Variants in ATG7 observed in about 807,000 individuals in gnomAD.
ATG7 encodes autophagy related 7.
In ATG7, 70 loss-of-function variants were observed where a neutral mutation model predicts 82.4. The ratio of observed to expected loss-of-function variants is 0.85; its 90% CI spans 0.70 to 1.04. ATG7 has a LOEUF of 1.04. Among genes scored for constraint, ATG7 ranks in the 50% least tolerant of loss-of-function variants. The pLI is 0.00. For missense variants in ATG7, 792 were observed against 864.3 expected (o/e 0.92, Z 1.05); for synonymous variants, 287 against 313.0 (o/e 0.92, Z 0.88).
intron 9 of ATG7, among the ~76,000 whole-genome samples, chr3:11,328,408 A>G (rs1179470788): frequency 6.6e-6 from 1 of 152,256 alleles, no homozygotes; most frequent in African/African-American, 2.4e-5. Flanking sequence ...GAAATCTCAA[A>G]TAAAAATATT....
chr3:11,396,782 CA>C (rs776333119), intron 19 of ATG7, among the ~76,000 whole-genome samples: 46 of 94,238 alleles, frequency 4.9e-4, no homozygotes, highest in Non-Finnish European at 6.7e-4. Context: ...ACTCTGTCTC[CA>C]AAAAAAAAAA....
At chr3:11,494,831 T>G (rs1355522039) in intron 20 of ATG7, among the ~76,000 whole-genome samples, 1 of 152,058 alleles carries the variant, frequency 6.6e-6, no homozygotes, top group Non-Finnish European at 1.5e-5. Context: ...CCCAGCACTT[T>G]GAGAGGCCAA....
chr3:11,523,272 G>A (rs188319047), intron 20 of ATG7, among the ~76,000 whole-genome samples: 7 of 152,330 alleles, frequency 4.6e-5, no homozygotes, highest in African/African-American at 1.2e-4. Context: ...GGGAGTGCAG[G>A]GGAGGGGAAA....
At chr3:11,298,154 AAC>A (rs1946243507) in intron 3 of ATG7, among the ~76,000 whole-genome samples, 1 of 152,030 alleles carries the variant, frequency 6.6e-6, no homozygotes, top group Non-Finnish European at 1.5e-5. Flanking sequence ...ACTCCAGTGC[AAC>A]AGAGTGAGAC....
At chr3:11,397,582 G>A (rs139063012) in intron 19 of ATG7, among the ~76,000 whole-genome samples, 1,658 of 151,676 alleles carry the variant, frequency 0.011, 31 homozygotes, top group African/African-American at 0.038. Context: ...CTCAGCCTCC[G>A]AGTAACTGGG....
intron 20 of ATG7, among the ~76,000 whole-genome samples, chr3:11,515,297 C>CGCGTGTGTGTAT (rs1553704988): frequency 6.6e-5 from 10 of 151,216 alleles, no homozygotes; most frequent in South Asian, 2.1e-4. Context: ...GTCTCTTGCG[C>CGCGTGTGTGTAT]GTGTGTGTGT....
chr3:11,393,131 A>G (rs9830784), intron 19 of ATG7, among the ~76,000 whole-genome samples: 132,909 of 152,246 alleles, frequency 0.87, 58,389 homozygotes, highest in East Asian at 1. Flanking sequence ...CCACTGCAGA[A>G]AGTGTTAGGC....
At chr3:11,434,501 C>G (rs1289833297) in intron 20 of ATG7, among the ~76,000 whole-genome samples, 1 of 152,206 alleles carries the variant, frequency 6.6e-6, no homozygotes, top group Non-Finnish European at 1.5e-5. Context: ...AGCCTTGGCC[C>G]TCTCTCCTGA....
At chr3:11,305,109 A>G (rs1269977964) in intron 5 of ATG7, among the ~76,000 whole-genome samples, 2 of 152,220 alleles carry the variant, frequency 1.3e-5, no homozygotes, top group African/African-American at 4.8e-5. Flanking sequence ...ATAGGAAACT[A>G]AACTAGGAAG....
At chr3:11,408,766 C>G (rs890438076) in intron 19 of ATG7, among the ~76,000 whole-genome samples, 1 of 152,142 alleles carries the variant, frequency 6.6e-6, no homozygotes. Context: ...AGACCCACCC[C>G]CATGATTCAG....
At chr3:11,516,014 C>T (rs181150164) in intron 20 of ATG7, among the ~76,000 whole-genome samples, 1 of 148,192 alleles carries the variant, frequency 6.7e-6, no homozygotes, top group East Asian at 2.0e-4. Flanking sequence ...GTTTTGGGAA[C>T]AGCTCACATT....
intron 20 of ATG7, among the ~76,000 whole-genome samples, chr3:11,501,545 T>TG (rs77256485): frequency 1.2e-3 from 15 of 12,220 alleles, no homozygotes; most frequent in Non-Finnish European, 1.9e-3. Flanking sequence ...ATAATGATAT[T>TG]AATAGATAGG....
At position 11,395,968 on chromosome 3, in the gene ATG7, T is replaced by TG. The variant is rs1559533589; in HGVS notation, c.1956+15916_1956+15917insG. On this transcript the variant is annotated intron_variant, in intron 19 of 20. Transcript: ENST00000693202. Reference sequence around the variant, plus strand: ...AAAAAAAAAAAAAAAAAAAAAAAGGTAGGGGGGGAAGAGTAAAAGTGAAGG... The same window carrying TG: ...AAAAAAAAAAAAAAAAAAAAAAAGGTGAGGGGGGGAAGAGTAAAAGTGAAGG... Among the ~76,000 whole-genome samples the TG allele has an allele frequency of 3.1e-4, 24 of 76,688 alleles. 4 individuals carry two copies. The highest frequency in any genetic ancestry group is 1.4e-3 in the African/African-American group (23 of 16,884). The allele number at this position is 76,688 out of a possible 152,430, so 50.3% of individuals were successfully genotyped here. A position where few individuals can be genotyped will look rare whatever the true frequency, so the allele number is the denominator to read the frequency against.
intron 18 of ATG7, among the ~76,000 whole-genome samples, chr3:11,365,158 A>T (rs1226367356): frequency 6.6e-6 from 1 of 152,202 alleles, no homozygotes; most frequent in East Asian, 1.9e-4. Context: ...TGGTAGTTGT[A>T]TGGATTATGG....
chr3:11,573,383 G>T, the ATG7 span, among the ~76,000 whole-genome samples: 1 of 145,984 alleles, frequency 6.9e-6, no homozygotes, highest in Non-Finnish European at 1.5e-5. Context: ...AAGAAAGAAA[G>T]AAAGAAAGAA....
chr3:11,364,658 G>A lies in ATG7; in HGVS notation c.1800-1G>A, dbSNP rs749150590. 2 of 1,614,114 alleles carry A rather than the reference G, an allele frequency of 1.2e-6. No homozygotes were observed. Among genetic ancestry groups the A allele is most frequent in the South Asian group, 1.1e-5 (1 of 91,082 alleles). On this transcript the variant is annotated splice_acceptor_variant, in intron 17 of 20. Transcript: ENST00000693202. LOFTEE classifies it high-confidence loss of function. ...CAGCTCTGATTGTTTCCTGTCCTCA[G>A]GGGCTATGCCATTGCCAGCAGCAGT... is the stretch of plus-strand genomic sequence containing the variant.
At position 11,396,954 on chromosome 3, in the gene ATG7, TAAAC is replaced by T. The variant is rs376113148; in HGVS notation, c.1956+16906_1956+16909del. Among the ~76,000 whole-genome samples, 93 of 151,884 alleles carry T rather than the reference TAAAC, an allele frequency of 6.1e-4. 4 individuals are homozygous for T. The South Asian group carries it at 0.019, about 30-fold the overall frequency. On this transcript the variant is annotated intron_variant, in intron 19 of 20. Transcript: ENST00000693202. ...ATGTTATAACTGATAGACTAAACAG[TAAAC>T]AAATAGAAAAATTGTATAACTTCTG...
At chr3:11,515,253 A>AAAGTGG in intron 20 of ATG7, among the ~76,000 whole-genome samples, 1 of 152,070 alleles carries the variant, frequency 6.6e-6, no homozygotes, top group East Asian at 1.9e-4. Flanking sequence ...TCATGTCTCA[A>AAAGTGG]CTGAGAGGTG....
chr3:11,275,438 T>C (rs1332791484), intron 1 of ATG7, among the ~76,000 whole-genome samples: 9 of 149,770 alleles, frequency 6.0e-5, no homozygotes, highest in Non-Finnish European at 1.2e-4. Context: ...AAGCTCTGCC[T>C]CCTGGGTTCA....
Sources: allele counts gnomAD v4.1 joint callset (sites outside exome capture counted in the v4.1 genomes callset), GRCh38; gene constraint gnomAD v4.1.1; transcripts MANE v1.5; gene names NCBI Gene and HGNC (gene_info 2026-07-23, HGNC 2026-07-21).